Variants in PCDHGB1 observed in about 807,000 individuals in gnomAD.
PCDHGB1 encodes the protein protocadherin gamma subfamily B, 1, also known as protocadherin gamma-B1.
In PCDHGB1, 34 loss-of-function variants were observed where a neutral mutation model predicts 56.6. The ratio of observed to expected loss-of-function variants is 0.60; its 90% CI spans 0.46 to 0.80. The LOEUF (loss-of-function observed/expected upper bound fraction) is 0.80. Ranked by LOEUF, PCDHGB1 falls within the 30% of genes least tolerant of loss-of-function variation. PCDHGB1 has a pLI of 0.00. For missense variants in PCDHGB1, 1,278 were observed against 1,204.6 expected (o/e 1.06, Z -0.90); for synonymous variants, 561 against 505.9 (o/e 1.11, Z -1.46).
chr5:141,420,454 TATTCAAAGAC>T, intron 1 of PCDHGB1: 1 of 968,104 alleles, frequency 1.0e-6, no homozygotes, highest in Admixed American at 3.7e-5. Context: ...GTCTTCCTAC[TATTCAAAGAC>T]ATTTTAAAGC....
intron 1 of PCDHGB1, among the ~76,000 whole-genome samples, chr5:141,386,382 A>T (rs2090551092): frequency 6.6e-6 from 1 of 152,330 alleles, no homozygotes; most frequent in South Asian, 2.1e-4. Context: ...AGTATTAATT[A>T]AAAACACACT....
chr5:141,479,767 C>G (rs2099505975), intron 1 of PCDHGB1: 1 of 152,174 alleles, frequency 6.6e-6, no homozygotes, highest in African/African-American at 2.4e-5. Flanking sequence ...AAATTCATAT[C>G]CTTAGACAGG....
At chr5:141,414,704 C>A (rs778708386) in intron 1 of PCDHGB1, 8 of 1,614,036 alleles carry the variant, frequency 5.0e-6, no homozygotes, top group Non-Finnish European at 5.9e-6. Flanking sequence ...TCATACATAT[C>A]CATCAACTCA....
At chr5:141,355,093 G>C in intron 1 of PCDHGB1, 1 of 1,483,692 alleles carries the variant, frequency 6.7e-7, no homozygotes. Flanking sequence ...GAAGCCCTGA[G>C]AGCTCTGGCT....
intron 1 of PCDHGB1, among the ~76,000 whole-genome samples, chr5:141,446,175 G>A (rs1288608276): frequency 1.3e-5 from 2 of 152,276 alleles, no homozygotes; most frequent in Non-Finnish European, 2.9e-5. Context: ...AGGGCAGGGG[G>A]TGTTTTGTTT....
intron 1 of PCDHGB1, chr5:141,356,250 A>T: frequency 3.2e-6 from 5 of 1,575,134 alleles, no homozygotes; most frequent in Non-Finnish European, 4.3e-6. Context: ...TCACAGTTAC[A>T]TCTCTCACCA....
chr5:141,413,981 C>A (rs563161887), intron 1 of PCDHGB1: 1 of 1,613,452 alleles, frequency 6.2e-7, no homozygotes, highest in Admixed American at 1.7e-5. Context: ...CTGACAGTCA[C>A]AGCCACCGAC....
intron 1 of PCDHGB1, among the ~76,000 whole-genome samples, chr5:141,380,822 T>G (rs1446261285): frequency 1.3e-5 from 2 of 152,212 alleles, no homozygotes; most frequent in African/African-American, 4.8e-5. Flanking sequence ...AACTATGAAT[T>G]TTGAGGCATC....
chr5:141,423,139 G>A (rs2096713828), intron 1 of PCDHGB1: 2 of 1,613,616 alleles, frequency 1.2e-6, no homozygotes, highest in Middle Eastern at 1.7e-4. Flanking sequence ...GGACAGAGAC[G>A]CGCTCAAGCA....
At chr5:141,433,877 A>G (rs1481965040) in intron 1 of PCDHGB1, among the ~76,000 whole-genome samples, 5 of 151,470 alleles carry the variant, frequency 3.3e-5, no homozygotes, top group Admixed American at 6.6e-5. Context: ...AGTTTCATCC[A>G]TTGATGACAC....
chr5:141,390,437 T>C (rs1182289355), intron 1 of PCDHGB1: 42 of 933,186 alleles, frequency 4.5e-5, no homozygotes, highest in Non-Finnish European at 6.5e-5. Flanking sequence ...CATATCATTC[T>C]ACAAAGGAGG....
In PCDHGB1 at chr5:141,489,461, A is replaced by G. The variant is rs1329676538; in HGVS notation, c.2410-5346A>G. 5.0e-6 allele frequency: 8 copies of G among 1,613,832 alleles called. No homozygotes were observed. The highest frequency in any genetic ancestry group is 6.8e-6 in the Non-Finnish European group (8 of 1,179,986). On this transcript the variant is annotated intron_variant, in intron 1 of 3. Transcript: ENST00000523390. This position sits in a 1 kb window ranked among gnomAD's most constrained non-coding sequence, Gnocchi z 4.5. ...TTGGGCTCTGAGGAGAATGGGCGCT[A>G]TTTTTCCCTGAGCTTGATGAGTGGT...
chr5:141,473,784 G>A (rs1457988232), intron 1 of PCDHGB1, among the ~76,000 whole-genome samples: 1 of 152,226 alleles, frequency 6.6e-6, no homozygotes, highest in Non-Finnish European at 1.5e-5. Flanking sequence ...TTTAATTCAA[G>A]AGCAGTATGA....
chr5:141,410,835 T>C (rs1360836957), intron 1 of PCDHGB1: 2 of 490,228 alleles, frequency 4.1e-6, no homozygotes, highest in Admixed American at 4.0e-5. Context: ...AGACTGAAGA[T>C]ATTTTGTCTT....
chr5:141,392,202 T>A (rs534571054), intron 1 of PCDHGB1: 1 of 152,352 alleles, frequency 6.6e-6, no homozygotes, highest in South Asian at 2.1e-4. Context: ...AGTCTCAAGA[T>A]AAATTCATTT....
intron 1 of PCDHGB1, chr5:141,379,054 G>A (rs969073480): frequency 6.6e-5 from 10 of 152,204 alleles, no homozygotes; most frequent in Admixed American, 5.2e-4. Context: ...TTATAGAATG[G>A]ATTGGCCACT....
Position 141,476,102 on chromosome 5 carries a change from C to G in PCDHGB1, c.2410-18705C>G, listed in dbSNP as rs1488747783. The G allele has an allele frequency of 1.3e-6, 2 of 1,576,940 alleles. No homozygotes were observed. Among genetic ancestry groups the G allele is most frequent in the African/African-American group, 2.7e-5 (2 of 73,926 alleles). ...ACGATCTGGACCCCGCTGAGAGGAA[C>G]TGCTTTTGAGTGAGATGGTCCCAGA... On this transcript the variant is annotated intron_variant, in intron 1 of 3. Transcript: ENST00000523390. The surrounding 1 kb of genome is among the most constrained non-coding windows in gnomAD (Gnocchi z 7.6).
chr5:141,371,629 G>A (rs749054700), intron 1 of PCDHGB1: 6 of 1,613,866 alleles, frequency 3.7e-6, no homozygotes, highest in South Asian at 1.1e-5. Context: ...GCCCTGGACC[G>A]GGAGCAGATC....
At chr5:141,394,710 C>T in intron 1 of PCDHGB1, 1 of 1,613,354 alleles carries the variant, frequency 6.2e-7, no homozygotes. Context: ...GCGAGCCCTG[C>T]TGGACAGAGA....
Sources: allele counts gnomAD v4.1 joint callset (sites outside exome capture counted in the v4.1 genomes callset), GRCh38; gene constraint gnomAD v4.1.1; non-coding constraint Gnocchi (gnomAD v3.1); transcripts MANE v1.5; gene names NCBI Gene and HGNC (gene_info 2026-07-23, HGNC 2026-07-21).